The following ABL1 variants were observed in gnomAD, a reference collection of about 807,000 sequenced individuals.
ABL1 encodes ABL proto-oncogene 1, non-receptor tyrosine kinase.
Under a neutral mutation model 94.7 loss-of-function variants are expected in ABL1, and 11 were observed. That is an observed-to-expected ratio of 0.12 (90% CI 0.07 to 0.19). The LOEUF (loss-of-function observed/expected upper bound fraction) is 0.19, where lower values mean the gene tolerates loss of function less well. ABL1 is among the 10% of genes least tolerant of loss of function. ABL1 has a pLI of 1.00. For synonymous variants in ABL1, 656 were observed against 622.4 expected (o/e 1.05, Z -0.80); for missense variants, 1,082 against 1,489.4 (o/e 0.73, Z 4.50).
At chr9:130,859,206 C>G (rs1179585695) in intron 3 of ABL1, among the ~76,000 whole-genome samples, 1 of 152,146 alleles carries the variant, frequency 6.6e-6, no homozygotes, top group Non-Finnish European at 1.5e-5. Context: ...TATGAGATGC[C>G]CCTGTCACGT....
intron 1 of ABL1, among the ~76,000 whole-genome samples, chr9:130,772,416 T>C (rs1006614937): frequency 6.6e-6 from 1 of 152,222 alleles, no homozygotes; most frequent in East Asian, 1.9e-4. Flanking sequence ...AGGAATTGAA[T>C]AGAGAAGATG....
At chr9:130,873,676 A>C (rs565137964) in intron 6 of ABL1, among the ~76,000 whole-genome samples, 1 of 152,190 alleles carries the variant, frequency 6.6e-6, no homozygotes, top group East Asian at 1.9e-4. Context: ...ATGTGCCACA[A>C]TTATCTTGGT....
intron 1 of ABL1, among the ~76,000 whole-genome samples, chr9:130,780,201 C>T (rs982068929): frequency 3.9e-5 from 6 of 152,154 alleles, no homozygotes; most frequent in African/African-American, 7.2e-5. Flanking sequence ...GCAGGAGAAT[C>T]GCTTGAACCC....
At chr9:130,773,628 CTTTTTTT>C (rs57265547) in intron 1 of ABL1, among the ~76,000 whole-genome samples, 43 of 108,988 alleles carry the variant, frequency 3.9e-4, no homozygotes, top group South Asian at 5.9e-4. Context: ...CTGGCTAACT[CTTTTTTT>C]TTTTTTTTTT....
chr9:130,780,264 G>A (rs1829739036), intron 1 of ABL1, among the ~76,000 whole-genome samples: 1 of 152,180 alleles, frequency 6.6e-6, no homozygotes, highest in Non-Finnish European at 1.5e-5. Flanking sequence ...TCCAGCCTGG[G>A]CGACAGAGTG....
At chr9:130,764,710 C>A (rs1832158239) in intron 1 of ABL1, among the ~76,000 whole-genome samples, 1 of 152,186 alleles carries the variant, frequency 6.6e-6, no homozygotes, top group Non-Finnish European at 1.5e-5. Flanking sequence ...GTAATCCCAG[C>A]ACTTTGGGAG....
intron 1 of ABL1, among the ~76,000 whole-genome samples, chr9:130,762,467 G>T (rs891366334): frequency 1.3e-5 from 2 of 152,206 alleles, no homozygotes; most frequent in Admixed American, 6.5e-5. Context: ...ATTAACAGTT[G>T]TTGGGTGTGT....
At position 130,855,157 on chromosome 9, in the gene ABL1, T is replaced by C. The variant is rs533853246; in HGVS notation, c.549+61T>C. 105 of 1,511,890 alleles carry C rather than the reference T, an allele frequency of 6.9e-5. No individual in the cohort carries two copies. The South Asian group carries it at 8.1e-4, about 12-fold the overall frequency. 93.7% of individuals were successfully genotyped at this position (1,511,890 alleles called of 1,614,324 possible). On this transcript the variant is annotated intron_variant, in intron 3 of 10. Coordinates refer to ENST00000318560, the MANE Select transcript of ABL1 (RefSeq NM_005157.6). ...AGGGCAGGGGAACCAGAGGTCCTGCTGTCGGATTGATAAATTATTGCAAGA... is the reference window on the plus strand; with the variant it reads ...AGGGCAGGGGAACCAGAGGTCCTGCCGTCGGATTGATAAATTATTGCAAGA...
chr9:130,750,954 C>T (rs1395997045), intron 1 of ABL1, among the ~76,000 whole-genome samples: 1 of 151,240 alleles, frequency 6.6e-6, no homozygotes, highest in East Asian at 2.0e-4. Flanking sequence ...CTACATGGCT[C>T]TTTTTCTATT....
intron 4 of ABL1, among the ~76,000 whole-genome samples, chr9:130,870,452 A>T (rs1004337916): frequency 4.6e-5 from 7 of 152,282 alleles, no homozygotes; most frequent in East Asian, 1.9e-4. Flanking sequence ...TTCCTTTGAG[A>T]GCTACTTTTT....
At chr9:130,750,192 C>CATACATAT (rs1554759811) in intron 1 of ABL1, among the ~76,000 whole-genome samples, 2 of 106,444 alleles carry the variant, frequency 1.9e-5, no homozygotes, top group South Asian at 3.0e-4. Flanking sequence ...AAAAAAAATA[C>CATACATAT]ATATATATAT....
chr9:130,808,684 G>A (rs767595695), intron 1 of ABL1, among the ~76,000 whole-genome samples: 3 of 152,170 alleles, frequency 2.0e-5, no homozygotes, highest in Non-Finnish European at 4.4e-5. Flanking sequence ...TGGTGAGACT[G>A]TTTAGTCTTG....
intron 1 of ABL1, among the ~76,000 whole-genome samples, chr9:130,809,697 C>T (rs556710613): frequency 1.3e-5 from 2 of 152,276 alleles, no homozygotes; most frequent in East Asian, 3.9e-4. Context: ...AGGAAAGGGT[C>T]AGATTTTTTG....
At chr9:130,836,466 C>A (rs1228553674) in intron 1 of ABL1, among the ~76,000 whole-genome samples, 1 of 152,138 alleles carries the variant, frequency 6.6e-6, no homozygotes, top group East Asian at 1.9e-4. Flanking sequence ...AGCAGAAAGG[C>A]TATCTGTGCT....
At chr9:130,772,650 T>C (rs1054128067) in intron 1 of ABL1, among the ~76,000 whole-genome samples, 11 of 152,076 alleles carry the variant, frequency 7.2e-5, no homozygotes, top group African/African-American at 2.7e-4. Flanking sequence ...ACACCCCAAA[T>C]CTGTTGAAAA....
chr9:130,850,984 C>T (rs943503452), intron 1 of ABL1, among the ~76,000 whole-genome samples: 4 of 151,938 alleles, frequency 2.6e-5, no homozygotes, highest in Admixed American at 2.6e-4. Context: ...AGTATAGTGG[C>T]GTGATCTCGG....
chr9:130,768,955 C>T (rs1263968619), intron 1 of ABL1, among the ~76,000 whole-genome samples: 2 of 152,074 alleles, frequency 1.3e-5, no homozygotes, highest in Non-Finnish European at 2.9e-5. Context: ...CCCATTTATA[C>T]TACAGAGAAA....
chr9:130,757,768 C>T (rs1380753031), intron 1 of ABL1, among the ~76,000 whole-genome samples: 1 of 151,966 alleles, frequency 6.6e-6, no homozygotes, highest in African/African-American at 2.4e-5. Flanking sequence ...GTCTCGATCT[C>T]CTGACCTTGT....
At chr9:130,806,114 A>G (rs1830120838) in intron 1 of ABL1, among the ~76,000 whole-genome samples, 1 of 152,188 alleles carries the variant, frequency 6.6e-6, no homozygotes, top group Non-Finnish European at 1.5e-5. Flanking sequence ...GTGCTTCTGC[A>G]AACCTCATGT....
Sources: gnomAD v4.1 joint callset for allele counts (sites outside exome capture counted in the v4.1 genomes callset) on GRCh38, gnomAD v4.1.1 for gene constraint, MANE v1.5 for transcripts, NCBI Gene and HGNC (gene_info 2026-07-23, HGNC 2026-07-21) for gene names.